The following OPCML variants were observed in gnomAD, a reference collection of about 807,000 sequenced individuals.
The protein encoded by OPCML is opioid-binding protein/cell adhesion molecule.
Under a neutral mutation model 37.8 loss-of-function variants are expected in OPCML, and 13 were observed. That is an observed-to-expected ratio of 0.34 (90% confidence interval 0.22 to 0.55). The LOEUF (loss-of-function observed/expected upper bound fraction) is 0.55. Among genes scored for constraint, OPCML ranks in the 20% least tolerant of loss-of-function variants. The pLI is 0.91. For missense variants in OPCML, 341 were observed against 435.6 expected (o/e 0.78, Z 1.93); for synonymous variants, 176 against 168.8 (o/e 1.04, Z -0.33).
At chr11:132,852,321 C>T (rs188785024) in intron 2 of OPCML, among the ~76,000 whole-genome samples, 7 of 152,168 alleles carry the variant, frequency 4.6e-5, no homozygotes, top group Admixed American at 3.9e-4. Context: ...TATGTCAGTA[C>T]CAGCTGGAAA....
intron 4 of OPCML, among the ~76,000 whole-genome samples, chr11:132,485,403 A>G (rs2096196510): frequency 6.6e-6 from 1 of 152,102 alleles, no homozygotes; most frequent in African/African-American, 2.4e-5. Flanking sequence ...TTTACATACA[A>G]CCAAAAGCAC....
At chr11:132,520,501 G>T (rs988017667) in intron 4 of OPCML, among the ~76,000 whole-genome samples, 2 of 151,992 alleles carry the variant, frequency 1.3e-5, no homozygotes, top group Non-Finnish European at 2.9e-5. Flanking sequence ...GCATATATAG[G>T]AATAGGTTGT....
intron 2 of OPCML, among the ~76,000 whole-genome samples, chr11:132,855,897 C>A (rs1176797495): frequency 6.6e-6 from 1 of 152,216 alleles, no homozygotes; most frequent in African/African-American, 2.4e-5. Context: ...AGCTTCAAGA[C>A]CCTTAATTGC....
chr11:133,435,304 C>T (rs530147027), intron 1 of OPCML, among the ~76,000 whole-genome samples: 3 of 152,190 alleles, frequency 2.0e-5, no homozygotes, highest in East Asian at 1.9e-4. Context: ...ATAAAATTCA[C>T]GTCTAGCTTA....
intron 1 of OPCML, among the ~76,000 whole-genome samples, chr11:133,273,571 C>A (rs1234184674): frequency 6.6e-6 from 1 of 151,374 alleles, no homozygotes; most frequent in East Asian, 1.9e-4. Context: ...CTTTTTTTTT[C>A]TTTTGGCAAA....
At chr11:133,324,055 C>T (rs916903979) in intron 1 of OPCML, among the ~76,000 whole-genome samples, 3 of 152,112 alleles carry the variant, frequency 2.0e-5, no homozygotes, top group Admixed American at 6.5e-5. Context: ...ATACAAAAGG[C>T]CTCCCTGTGC....
intron 4 of OPCML, among the ~76,000 whole-genome samples, chr11:132,451,237 C>T (rs183068145): frequency 6.6e-6 from 1 of 152,168 alleles, no homozygotes; most frequent in Non-Finnish European, 1.5e-5. Context: ...CATAATTTTT[C>T]TATCACCAGC....
chr11:132,861,987 A>G (rs1942326017), intron 2 of OPCML, among the ~76,000 whole-genome samples: 1 of 151,940 alleles, frequency 6.6e-6, no homozygotes, highest in African/African-American at 2.4e-5. Flanking sequence ...TTCGAGTTAC[A>G]TTGTATTAAT....
intron 1 of OPCML, among the ~76,000 whole-genome samples, chr11:132,996,941 A>G (rs942179245): frequency 6.6e-6 from 1 of 152,186 alleles, no homozygotes; most frequent in Non-Finnish European, 1.5e-5. Context: ...GCCGTCTCCT[A>G]TTGTTCCACT....
chr11:133,317,599 AAGTG>A (rs1213851773), intron 1 of OPCML, among the ~76,000 whole-genome samples: 2 of 152,214 alleles, frequency 1.3e-5, no homozygotes, highest in African/African-American at 4.8e-5. Context: ...ACGGAGTTAG[AAGTG>A]AGTATCATAG....
At chr11:132,777,260 T>A (rs1324838166) in intron 2 of OPCML, among the ~76,000 whole-genome samples, 1 of 152,190 alleles carries the variant, frequency 6.6e-6, no homozygotes, top group East Asian at 1.9e-4. Context: ...CCCTAGAAGA[T>A]CTGTCAGTCA....
intron 1 of OPCML, among the ~76,000 whole-genome samples, chr11:133,263,119 C>A (rs373486042): frequency 6.6e-6 from 1 of 151,902 alleles, no homozygotes; most frequent in African/African-American, 2.4e-5. Context: ...ACTTATGTGA[C>A]CCCGCACAAA....
rs78712077 is a variant in OPCML at position 132,486,823 on chromosome 11, T to G, written c.505+42238A>C. On this transcript the variant is annotated intron_variant, in intron 4 of 7. Coordinates refer to ENST00000524381, the MANE Select transcript of OPCML (RefSeq NM_001012393.5). ...TGGTTTCAATCAGTTTAGCAAAGCT[T>G]AACCAAGGAGAGCCTGTGAAACAAA... Among the ~76,000 whole-genome samples the G allele has an allele frequency of 6.6e-3, 1,001 of 152,290 alleles. 3 individuals carry two copies. The highest frequency in any genetic ancestry group is 0.022 in the African/African-American group (928 of 41,554).
chr11:132,869,602 T>A (rs12799796), intron 2 of OPCML, among the ~76,000 whole-genome samples: 88 of 152,216 alleles, frequency 5.8e-4, no homozygotes, highest in African/African-American at 1.0e-3. Context: ...GATGAGCTCC[T>A]CAAGAAGAAA....
At chr11:133,448,801 T>C (rs1049414220) in intron 1 of OPCML, among the ~76,000 whole-genome samples, 1 of 152,200 alleles carries the variant, frequency 6.6e-6, no homozygotes, top group African/African-American at 2.4e-5. Flanking sequence ...GATATCATCA[T>C]CTAGAGATCC....
At chr11:133,257,245 G>A (rs1941340532) in intron 1 of OPCML, among the ~76,000 whole-genome samples, 1 of 152,112 alleles carries the variant, frequency 6.6e-6, no homozygotes, top group Admixed American at 6.5e-5. Flanking sequence ...CTATCTCAAT[G>A]ACCTATAATT....
chr11:132,626,069 C>T (rs575873780), intron 3 of OPCML, among the ~76,000 whole-genome samples: 7 of 152,072 alleles, frequency 4.6e-5, no homozygotes, highest in African/African-American at 1.7e-4. Flanking sequence ...TAGTCCCTTT[C>T]CTCAAGGAGC....
chr11:132,641,139 T>C (rs1301259427), intron 3 of OPCML, among the ~76,000 whole-genome samples: 2 of 152,150 alleles, frequency 1.3e-5, no homozygotes, highest in East Asian at 3.9e-4. Context: ...GTGAGGCCTC[T>C]ATCTCAGAGG....
intron 2 of OPCML, among the ~76,000 whole-genome samples, chr11:132,791,560 C>A (rs1467413025): frequency 1.3e-5 from 2 of 152,176 alleles, no homozygotes; most frequent in East Asian, 3.9e-4. Flanking sequence ...CCAGTTTCAG[C>A]AGCTTATAGA....
Sources: gnomAD v4.1 joint callset for allele counts (sites outside exome capture counted in the v4.1 genomes callset) on GRCh38, gnomAD v4.1.1 for gene constraint, MANE v1.5 for transcripts, NCBI Gene and HGNC (gene_info 2026-07-23, HGNC 2026-07-21) for gene names.